The following WDR88 variants were observed in gnomAD, a reference collection of about 807,000 sequenced individuals.
WDR88 encodes WD repeat domain 88, also known as WD repeat-containing protein 88.
WDR88 carries 40 observed loss-of-function variants against 46.8 expected under a neutral mutation model. That is an observed-to-expected ratio of 0.86 (90% CI 0.66 to 1.11). WDR88 has a LOEUF of 1.11. WDR88 is among the 50% of genes most tolerant of loss of function. The pLI, the probability that WDR88 is intolerant of heterozygous loss-of-function variation, is 0.00. For missense variants in WDR88, 562 were observed against 602.4 expected (o/e 0.93, Z 0.70); for synonymous variants, 235 against 240.7 (o/e 0.98, Z 0.22).
intron 7 of WDR88, 22 bp downstream of exon 7, chr19:33,156,564 G>A: frequency 6.2e-7 from 1 of 1,604,442 alleles, no homozygotes; most frequent in Non-Finnish European, 8.5e-7. Context: ...ACATGCAGAA[G>A]GCCTCCATTC....
At chr19:33,156,255 A>AGCACATG in intron 6 of WDR88, 100 bp from the exon 7 acceptor site, 1 of 1,283,738 alleles carries the variant, frequency 7.8e-7, no homozygotes, top group Non-Finnish European at 1.1e-6. Flanking sequence ...GTGCAGCCCG[A>AGCACATG]CCATGAGCTC....
intron 9 of WDR88, among the ~76,000 whole-genome samples, chr19:33,171,801 TCTCA>T (rs1974042955): frequency 1.3e-5 from 2 of 152,196 alleles, no homozygotes; most frequent in African/African-American, 4.8e-5. Context: ...TGAGACAGAG[TCTCA>T]CTCTGTCGCA....
chr19:33,158,551 T>C (rs994968189), intron 7 of WDR88, among the ~76,000 whole-genome samples: 7 of 152,232 alleles, frequency 4.6e-5, no homozygotes, highest in Admixed American at 1.3e-4. Flanking sequence ...TCAACATTCA[T>C]GGCACTTTCA....
chr19:33,141,743 T>C (rs992639603), intron 2 of WDR88, among the ~76,000 whole-genome samples: 13 of 152,074 alleles, frequency 8.5e-5, no homozygotes, highest in African/African-American at 3.1e-4. Flanking sequence ...TGCAGTGGCG[T>C]GGTCTCGGCT....
Position 33,144,855 on chromosome 19 carries a change from C to A in WDR88, c.399C>A (p.Asp133Glu). The change falls in exon 3 of 11, where the codon GAC (aspartate) becomes GAA (glutamate). Residue 133 changes from aspartate (D) to glutamate (E), a missense_variant. Physicochemically the swap from Asp to Glu is conservative, Grantham distance 45. Transcript: ENST00000355868. ...DCTVKLWDPVDGSVVRDFEHR... is the reference protein window; with the variant it reads ...DCTVKLWDPVEGSVVRDFEHR... ...CCCGTTGATTTGAGGATCCGGTGGA[C>A]GGTTCTGTGGTTCGCGATTTTGAGC... 6.2e-7 allele frequency: 1 copy of A among 1,612,724 alleles called. No individual in the cohort carries two copies. Among genetic ancestry groups the A allele is most frequent in the Non-Finnish European group, 8.5e-7 (1 of 1,179,470 alleles).
At chr19:33,161,471 T>C (rs1159364227) in intron 8 of WDR88, among the ~76,000 whole-genome samples, 2 of 152,156 alleles carry the variant, frequency 1.3e-5, no homozygotes, top group African/African-American at 4.8e-5. Flanking sequence ...CACCTTTGGC[T>C]GTGAATGCGT....
At chr19:33,173,179 G>A (rs930482124) in intron 10 of WDR88, among the ~76,000 whole-genome samples, 6 of 151,588 alleles carry the variant, frequency 4.0e-5, no homozygotes, top group Non-Finnish European at 5.9e-5. Flanking sequence ...TGAGAGGCAG[G>A]AGCCAGCCTG....
intron 1 of WDR88, among the ~76,000 whole-genome samples, chr19:33,135,268 CT>C (rs1322071202): frequency 6.6e-6 from 1 of 152,142 alleles, no homozygotes; most frequent in Non-Finnish European, 1.5e-5. Flanking sequence ...TATTCTAGAC[CT>C]TTTATAGCGA....
intron 10 of WDR88, among the ~76,000 whole-genome samples, chr19:33,172,716 G>A (rs1180345798): frequency 6.6e-6 from 1 of 152,110 alleles, no homozygotes; most frequent in Non-Finnish European, 1.5e-5. Flanking sequence ...TTAAAGGGTG[G>A]TCAGGATAGG....
intron 5 of WDR88, among the ~76,000 whole-genome samples, chr19:33,149,672 T>C (rs564063726): frequency 3.3e-5 from 5 of 152,048 alleles, no homozygotes; most frequent in African/African-American, 9.6e-5. Flanking sequence ...TTTTTTTTCT[T>C]TTTTGAGATG....
intron 7 of WDR88, 48 bp downstream of exon 7, chr19:33,156,590 G>C (rs367979114): frequency 5.7e-6 from 9 of 1,576,208 alleles, no homozygotes; most frequent in Non-Finnish European, 7.8e-6. Context: ...GGAGTGCTGG[G>C]CAGAGTTCTC....
chr19:33,144,889 A>C lies in WDR88; in HGVS notation c.433A>C (p.Lys145Gln). ...GGTTCGCGATTTTGAGCACAGGCCC[A>C]AAGCTCCTGTTGTAGAGTGCAGCAT... Reference protein sequence around the residue: ...SVVRDFEHRPKAPVVECSITG... With the variant: ...SVVRDFEHRPQAPVVECSITG... Residue 145 changes from lysine (K) to glutamine (Q), a missense_variant, in exon 3 of 11, where the codon AAA (lysine) becomes CAA (glutamine). Coordinates refer to ENST00000355868, the MANE Select transcript of WDR88 (RefSeq NM_173479.4). 1.9e-6 allele frequency: 3 copies of C among 1,613,832 alleles called. No individual in the cohort carries two copies. The highest frequency in any genetic ancestry group is 2.5e-6 in the Non-Finnish European group (3 of 1,179,944).
chr19:33,153,836 C>T lies in WDR88; in HGVS notation c.810-2519C>T, dbSNP rs118117673. On this transcript the variant is annotated intron_variant, in intron 6 of 10. Transcript: ENST00000355868. ...ACACTGTCATTCATATTGTTTTTCT[C>T]CTATAGGTAAAAAGTCATTTCTCTC... 1.1e-3 allele frequency among the ~76,000 whole-genome samples: 168 copies of T among 152,214 alleles called. 2 individuals carry two copies. Among genetic ancestry groups the T allele is most frequent in the African/African-American group, 2.3e-3 (95 of 41,508 alleles).
At chr19:33,144,512 C>T (rs563837742) in intron 2 of WDR88, among the ~76,000 whole-genome samples, 86 of 152,170 alleles carry the variant, frequency 5.7e-4, no homozygotes, top group African/African-American at 2.0e-3. Context: ...GAAGATATTG[C>T]TAGATTCTGC....
chr19:33,169,914 G>T lies in WDR88; in HGVS notation c.1150-2434G>T, dbSNP rs187387086. On this transcript the variant is annotated intron_variant, in intron 9 of 10. Transcript: ENST00000355868. ...ATTTTTGAGATGGAGTTTCTCTCTT[G>T]TTGCCCAGGCTGGAGTGCAATTGCA... Among the ~76,000 whole-genome samples, 94 of 152,056 alleles carry T rather than the reference G, an allele frequency of 6.2e-4. 1 individual carries two copies. Among genetic ancestry groups the T allele is most frequent in the African/African-American group, 2.1e-3 (87 of 41,492 alleles).
At chr19:33,149,936 G>T (rs1373809201) in intron 5 of WDR88, among the ~76,000 whole-genome samples, 1 of 151,828 alleles carries the variant, frequency 6.6e-6, no homozygotes, top group African/African-American at 2.4e-5. Flanking sequence ...CTGGGATTAC[G>T]GGCATGAGCC....
Position 33,147,839 on chromosome 19 carries a change from C to T in WDR88, c.540+131C>T. On this transcript the variant is annotated intron_variant, in intron 4 of 10. Transcript: ENST00000355868. ...ATTCTTCTAGGAAGGAGGCATGTTCCTGGGGATGGAAGTACAGATGTGAAC... is the reference window on the plus strand; with the variant it reads ...ATTCTTCTAGGAAGGAGGCATGTTCTTGGGGATGGAAGTACAGATGTGAAC... 5 of 761,908 alleles carry T rather than the reference C, an allele frequency of 6.6e-6. No homozygotes were observed. The South Asian group carries it at 7.3e-5, about 11-fold the overall frequency. The allele number at this position is 761,908 out of a possible 1,614,324, so 47.2% of individuals were successfully genotyped here.
At chr19:33,153,946 T>C (rs1973685400) in intron 6 of WDR88, among the ~76,000 whole-genome samples, 1 of 151,920 alleles carries the variant, frequency 6.6e-6, no homozygotes, top group Non-Finnish European at 1.5e-5. Context: ...GGATTTATCC[T>C]GTTGGGTTTT....
chr19:33,171,833 G>A (rs964522952), intron 9 of WDR88, among the ~76,000 whole-genome samples: 1 of 152,158 alleles, frequency 6.6e-6, no homozygotes, highest in Admixed American at 6.5e-5. Flanking sequence ...GAGTGCAGTG[G>A]TGCGATCTTG....
Sources: gnomAD v4.1 joint callset for allele counts (sites outside exome capture counted in the v4.1 genomes callset) on GRCh38, gnomAD v4.1.1 for gene constraint, MANE v1.5 for transcripts, NCBI Gene and HGNC (gene_info 2026-07-23, HGNC 2026-07-21) for gene names.